The following TPH1 variants were observed in gnomAD, a reference collection of about 807,000 sequenced individuals.
TPH1 encodes tryptophan 5-hydroxylase 1.
In TPH1, 37 loss-of-function variants were observed where a neutral mutation model predicts 49.5. The observed-to-expected ratio is 0.75, with a 90% CI of 0.58 to 0.98. The LOEUF (loss-of-function observed/expected upper bound fraction) is 0.98, where lower values mean the gene tolerates loss of function less well. TPH1 is among the 50% of genes least tolerant of loss of function. TPH1 has a pLI of 0.00. For synonymous variants in TPH1, 160 were observed against 182.1 expected, an observed-to-expected ratio of 0.88 and a Z score of 0.98; for missense variants, 487 against 523.6, an observed-to-expected ratio of 0.93 and a Z score of 0.68.
chr11:18,028,558 C>G (rs1847952212), intron 6 of TPH1, among the ~76,000 whole-genome samples: 1 of 152,116 alleles, frequency 6.6e-6, no homozygotes, highest in African/African-American at 2.4e-5. Flanking sequence ...CTATAACAGC[C>G]CCTAAATCTC....
chr11:18,037,764 A>G (rs971379332), intron 2 of TPH1, among the ~76,000 whole-genome samples: 4 of 152,236 alleles, frequency 2.6e-5, no homozygotes, highest in Non-Finnish European at 2.9e-5. Context: ...AAATTCAGAT[A>G]AAGTAGAAGT....
intron 6 of TPH1, 70 bp downstream of exon 6, chr11:18,029,095 A>AAAG (rs1847957121): frequency 9.5e-7 from 1 of 1,057,154 alleles, no homozygotes; most frequent in African/African-American, 1.6e-5. Context: ...AAAAAAAAAA[A>AAAG]AAAAAAAATG....
At chr11:18,026,454 A>G in intron 7 of TPH1, 36 bp downstream of exon 7, 1 of 1,588,194 alleles carries the variant, frequency 6.3e-7, no homozygotes. Context: ...ATAAATAACC[A>G]TTTGATGAAT....
In TPH1 at chr11:18,017,689, A is replaced by G. The variant is rs758888500; in HGVS notation, c.*3302T>C. The G allele has an allele frequency of 2.0e-5, 3 of 152,178 alleles. No individual in the cohort carries two copies. The highest frequency in any genetic ancestry group is 4.4e-5 in the Non-Finnish European group (3 of 68,022). 9.4% of individuals were successfully genotyped at this position (152,178 alleles called of 1,614,324 possible). A position where few individuals can be genotyped will look rare whatever the true frequency, so the allele number is the denominator to read the frequency against. On this transcript the variant is annotated 3_prime_UTR_variant, in exon 11 of 11. Coordinates refer to ENST00000682019, the MANE Select transcript of TPH1 (RefSeq NM_004179.3). ...TACCTTAAACACTTCCTATGAATTA[A>G]CATATGGACTCTATCATATGTTCCT...
chr11:18,024,992 A>G (rs1046477295), intron 8 of TPH1, among the ~76,000 whole-genome samples: 4 of 152,120 alleles, frequency 2.6e-5, no homozygotes, highest in African/African-American at 9.7e-5. Context: ...CAGGTTCTCT[A>G]TGCTCCCAGA....
intron 8 of TPH1, 76 bp downstream of exon 8, chr11:18,025,499 A>G: frequency 6.3e-7 from 1 of 1,598,610 alleles, no homozygotes; most frequent in Non-Finnish European, 8.6e-7. Context: ...GGTCATTCTG[A>G]ATATGTACTT....
chr11:18,042,218 G>T (rs1237411982), intron 1 of TPH1: 1 of 360,972 alleles, frequency 2.8e-6, no homozygotes, highest in Non-Finnish European at 5.4e-6. Flanking sequence ...CCACTTCAAA[G>T]GAAGTGACCA....
chr11:18,031,302 T>C (rs1361770266), intron 4 of TPH1, among the ~76,000 whole-genome samples: 1 of 152,168 alleles, frequency 6.6e-6, no homozygotes, highest in Non-Finnish European at 1.5e-5. Flanking sequence ...CAGTATTCCA[T>C]CTCTTTTTAT....
chr11:18,044,597 C>T (rs1848125619), intron 1 of TPH1, among the ~76,000 whole-genome samples: 1 of 151,538 alleles, frequency 6.6e-6, no homozygotes, highest in African/African-American at 2.4e-5. Flanking sequence ...GTTACTAAAA[C>T]TTGGCCATAA....
At chr11:18,022,524 A>G (rs1854374646) in intron 10 of TPH1, among the ~76,000 whole-genome samples, 1 of 152,208 alleles carries the variant, frequency 6.6e-6, no homozygotes, top group South Asian at 2.1e-4. Flanking sequence ...AGTAATTTGC[A>G]TATCATCTAT....
chr11:18,033,205 A>G, intron 4 of TPH1, 69 bp downstream of exon 4: 3 of 1,200,520 alleles, frequency 2.5e-6, no homozygotes, highest in Non-Finnish European at 3.7e-6. Flanking sequence ...GTAAGCCGAG[A>G]TCGTGCCACT....
rs932486803 is a variant in TPH1 at position 18,033,432 on chromosome 11, A to G, written c.302-58T>C. The G allele has an allele frequency of 4.1e-5, 52 of 1,257,734 alleles. No individual in the cohort carries two copies. In the Admixed American group the frequency reaches 8.3e-4, roughly 20 times the overall value. The allele number at this position is 1,257,734 out of a possible 1,614,324, so 77.9% of individuals were successfully genotyped here. A position where few individuals can be genotyped will look rare whatever the true frequency, so the allele number is the denominator to read the frequency against. The stretch of plus-strand genomic sequence containing the variant: ...CAGTAAAAGTTGAAGAGATAATCTT[A>G]AACAAGACAATAAAGAAGATAAAAT... On this transcript the variant is annotated intron_variant, in intron 3 of 10. Coordinates refer to ENST00000682019, the MANE Select transcript of TPH1 (RefSeq NM_004179.3).
intron 2 of TPH1, among the ~76,000 whole-genome samples, chr11:18,039,853 T>C (rs591556): frequency 0.78 from 118,469 of 151,896 alleles, 46,503 homozygotes; most frequent in Middle Eastern, 0.89. Flanking sequence ...ATTAGAATTA[T>C]GGGTCAAAAA....
At chr11:18,026,699 A>G (rs928052437) in intron 6 of TPH1, 74 bp from the exon 7 acceptor site, 18 of 1,558,740 alleles carry the variant, frequency 1.2e-5, no homozygotes, top group Non-Finnish European at 1.4e-5. Context: ...TAGTTCTGCT[A>G]GTGGCACCAA....
rs1214432210 is a variant in TPH1, at chr11:18,023,954, T to C, written c.960A>G (p.Leu320=). Reference sequence around the variant, plus strand: ...CTCTTAGCTGTCCATCTTGTTTACATAGACCAAACTCCACAGTGAAAAAGT... The same window carrying C: ...CTCTTAGCTGTCCATCTTGTTTACACAGACCAAACTCCACAGTGAAAAAGT... ...TCYFFTVEFG[L]CKQDGQLRVF... Residue 320 remains leucine, a synonymous_variant, in exon 9 of 11, where the codon CTA becomes CTG. Transcript: ENST00000682019. The C allele has an allele frequency of 5.0e-6, 8 of 1,613,378 alleles. No individual in the cohort carries two copies. Among genetic ancestry groups the C allele is most frequent in the Admixed American group, 3.3e-5 (2 of 60,014 alleles).
rs1848092424 is a variant in TPH1, at chr11:18,040,721, T to G, written c.42A>C (p.Glu14Asp). The G allele has an allele frequency of 1.1e-5, 18 of 1,612,372 alleles. No individual in the cohort carries two copies. The highest frequency in any genetic ancestry group is 1.4e-5 in the Non-Finnish European group (17 of 1,179,060). Reference protein sequence around the residue: ...DNKENKDHSLERGRASLIFSL... With the variant: ...DNKENKDHSLDRGRASLIFSL... ...AAAAAATGAGACTTGCTCTTCCCCT[T>G]TCTAAGGAATGGTCTTTGTTCTCCT... The change falls in exon 2 of 11, where the codon GAA (glutamate) becomes GAC (aspartate). Residue 14 changes from glutamate (E) to aspartate (D), a missense_variant. Glu to Asp is a conservative substitution (Grantham distance 45, BLOSUM62 2). Coordinates refer to ENST00000682019, the MANE Select transcript of TPH1 (RefSeq NM_004179.3).
chr11:18,023,794 C>T (rs1172066927), intron 9 of TPH1, 94 bp downstream of exon 9: 7 of 874,246 alleles, frequency 8.0e-6, no homozygotes, highest in Non-Finnish European at 1.3e-5. Flanking sequence ...AAGTATGTTC[C>T]ATAGTAAGCT....
intron 9 of TPH1, chr11:18,023,214 T>G: frequency 2.5e-6 from 1 of 393,094 alleles, no homozygotes; most frequent in Non-Finnish European, 4.8e-6. Flanking sequence ...ATTCCTGTAT[T>G]ATGGCACCTA....
intron 4 of TPH1, among the ~76,000 whole-genome samples, chr11:18,032,970 A>G (rs1208142896): frequency 6.6e-6 from 1 of 152,222 alleles, no homozygotes; most frequent in Non-Finnish European, 1.5e-5. Flanking sequence ...TATTAAACAT[A>G]CTTACTGGGT....
Sources: gnomAD v4.1 joint callset for allele counts (sites outside exome capture counted in the v4.1 genomes callset) on GRCh38, gnomAD v4.1.1 for gene constraint, MANE v1.5 for transcripts, NCBI Gene and HGNC (gene_info 2026-07-23, HGNC 2026-07-21) for gene names.